ADAM28: variants seen among roughly 807,000 people sequenced by gnomAD.
ADAM28 encodes disintegrin and metalloproteinase domain-containing protein 28.
ADAM28 carries 105 observed loss-of-function variants against 101.2 expected under a neutral mutation model. The ratio of observed to expected loss-of-function variants is 1.04; its 90% confidence interval spans 0.89 to 1.22. The LOEUF (loss-of-function observed/expected upper bound fraction) is 1.22. ADAM28 is among the 50% of genes most tolerant of loss of function. The pLI is 0.00. For missense variants in ADAM28, 1,028 were observed against 945.4 expected (o/e 1.09, Z -1.15); for synonymous variants, 322 against 310.6 (o/e 1.04, Z -0.39).
chr8:24,337,516 C>T (rs575933912), intron 14 of ADAM28, among the ~76,000 whole-genome samples: 3 of 152,314 alleles, frequency 2.0e-5, no homozygotes, highest in South Asian at 4.1e-4. Flanking sequence ...CAGTTGTATT[C>T]CCAGTGCCTC....
chr8:24,323,797 A>G (rs1257775159), intron 8 of ADAM28, 37 bp from the exon 9 acceptor site: 3 of 1,567,334 alleles, frequency 1.9e-6, no homozygotes, highest in Admixed American at 3.6e-5. Flanking sequence ...TATCACCATT[A>G]TAATTAATTG....
chr8:24,309,301 G>A (rs1810118914), intron 2 of ADAM28, among the ~76,000 whole-genome samples: 1 of 152,030 alleles, frequency 6.6e-6, no homozygotes, highest in Non-Finnish European at 1.5e-5. Flanking sequence ...CATAGTTTAT[G>A]TTCCAGTTAG....
intron 6 of ADAM28, among the ~76,000 whole-genome samples, chr8:24,318,242 G>A (rs765204011): frequency 3.2e-4 from 49 of 152,074 alleles, no homozygotes; most frequent in Non-Finnish European, 6.0e-4. Flanking sequence ...TTATCCCTCT[G>A]TTTCCATTCC....
chr8:24,320,709 T>C (rs1024277263), intron 7 of ADAM28, among the ~76,000 whole-genome samples: 1 of 151,994 alleles, frequency 6.6e-6, no homozygotes, highest in Non-Finnish European at 1.5e-5. Flanking sequence ...AATGGAATCC[T>C]CTGAAAAGGC....
intron 11 of ADAM28, among the ~76,000 whole-genome samples, chr8:24,330,683 C>A (rs1462120348): frequency 6.6e-6 from 1 of 152,108 alleles, no homozygotes; most frequent in Non-Finnish European, 1.5e-5. Context: ...TCTCCAAAGC[C>A]CCTGTACAAA....
At chr8:24,334,809 C>G (rs1365613384) in intron 13 of ADAM28, among the ~76,000 whole-genome samples, 1 of 152,204 alleles carries the variant, frequency 6.6e-6, no homozygotes, top group Non-Finnish European at 1.5e-5. Flanking sequence ...ATTTGTTTCA[C>G]TAAAGTTTCT....
chr8:24,331,067 G>A, intron 11 of ADAM28, 83 bp from the exon 12 acceptor site: 1 of 1,363,210 alleles, frequency 7.3e-7, no homozygotes, highest in Non-Finnish European at 9.9e-7. Flanking sequence ...CAGGCCGTGG[G>A]TGTAATTGTG....
intron 17 of ADAM28, 28 bp downstream of exon 17, chr8:24,343,209 GCT>G: frequency 6.2e-7 from 1 of 1,606,302 alleles, no homozygotes; most frequent in Non-Finnish European, 8.5e-7. Flanking sequence ...GTTTCCCTAA[GCT>G]CTCTGAATCT....
At chr8:24,325,889 A>AAAAAAAAAAAC (rs1812527348) in intron 9 of ADAM28, among the ~76,000 whole-genome samples, 27 of 141,924 alleles carry the variant, frequency 1.9e-4, no homozygotes, top group African/African-American at 7.0e-4. Context: ...AAAAAAAAAA[A>AAAAAAAAAAAC]AAAAAAAAAA....
rs751861910 is a variant in ADAM28, at chr8:24,354,453, T to G, written c.*49T>G. On this transcript the variant is annotated 3_prime_UTR_variant, in exon 23 of 23. Coordinates refer to ENST00000265769, the MANE Select transcript of ADAM28 (RefSeq NM_014265.6). The stretch of plus-strand genomic sequence containing the variant: ...TGGCTAAATTATCAACTTGGAAAAC[T>G]GGAAAATCTGGATGGCAGAGAAATA... The G allele has an allele frequency of 6.4e-7, 1 of 1,570,810 alleles. No homozygotes were observed. Among genetic ancestry groups the G allele is most frequent in the East Asian group, 2.3e-5 (1 of 43,388 alleles).
At chr8:24,350,887 TTTTA>T (rs1452183952) in intron 19 of ADAM28, among the ~76,000 whole-genome samples, 1 of 133,624 alleles carries the variant, frequency 7.5e-6, no homozygotes, top group African/African-American at 2.9e-5. Context: ...TTTTTTTTTT[TTTTA>T]GCACTTTTAA....
At position 24,294,110 on chromosome 8, in the gene ADAM28, A is replaced by G; in HGVS notation, c.-40A>G. 1 of 1,613,524 alleles carries G rather than the reference A, an allele frequency of 6.2e-7. No individual in the cohort carries two copies. Among genetic ancestry groups the G allele is most frequent in the Non-Finnish European group, 8.5e-7 (1 of 1,179,510 alleles). On this transcript the variant is annotated 5_prime_UTR_variant, in exon 1 of 23. Transcript: ENST00000265769. ...GGACAGACCCAGCAGCACCCACCTG[A>G]GCGAGAAGAGCAGACACCGTGCTCC...
intron 15 of ADAM28, 113 bp from the exon 16 acceptor site, chr8:24,341,485 A>C: frequency 9.2e-7 from 1 of 1,088,490 alleles, no homozygotes; most frequent in Admixed American, 2.2e-5. Flanking sequence ...GTAAAGTACA[A>C]CTAAGAGTCT....
At chr8:24,347,624 C>T (rs1003127707) in intron 18 of ADAM28, among the ~76,000 whole-genome samples, 4 of 151,898 alleles carry the variant, frequency 2.6e-5, no homozygotes, top group African/African-American at 9.7e-5. Flanking sequence ...GTTAAAATAC[C>T]CCCCACTGTA....
chr8:24,336,295 T>C (rs897066289), intron 14 of ADAM28, among the ~76,000 whole-genome samples: 1 of 151,876 alleles, frequency 6.6e-6, no homozygotes, highest in Non-Finnish European at 1.5e-5. Context: ...TAGTATTAAA[T>C]AACTTTGGCC....
intron 4 of ADAM28, 44 bp from the exon 5 acceptor site, chr8:24,311,317 A>G: frequency 6.5e-7 from 1 of 1,532,602 alleles, no homozygotes; most frequent in Non-Finnish European, 8.9e-7. Context: ...CAGCGGTGCT[A>G]AAATTCACAT....
At chr8:24,308,058 A>C (rs1020489073) in intron 2 of ADAM28, among the ~76,000 whole-genome samples, 1 of 152,148 alleles carries the variant, frequency 6.6e-6, no homozygotes, top group Non-Finnish European at 1.5e-5. Flanking sequence ...TGGCTTTCCC[A>C]ATCCACCCAC....
intron 18 of ADAM28, among the ~76,000 whole-genome samples, chr8:24,344,790 A>G (rs1260533874): frequency 1.3e-5 from 2 of 152,036 alleles, no homozygotes; most frequent in Non-Finnish European, 2.9e-5. Flanking sequence ...CTTTATTTTG[A>G]CATATCTATT....
chr8:24,313,621 C>A, intron 6 of ADAM28, 41 bp downstream of exon 6: 2 of 1,586,574 alleles, frequency 1.3e-6, no homozygotes, highest in South Asian at 1.2e-5. Context: ...CTCATGTATT[C>A]TGCCCTGGTT....
Sources: allele counts gnomAD v4.1 joint callset (sites outside exome capture counted in the v4.1 genomes callset), GRCh38; gene constraint gnomAD v4.1.1; transcripts MANE v1.5; gene names NCBI Gene and HGNC (gene_info 2026-07-23, HGNC 2026-07-21).